The following EP400 variants were observed in gnomAD, a reference collection of about 807,000 sequenced individuals.
The protein encoded by EP400 is E1A-binding protein p400.
EP400 carries 105 observed loss-of-function variants against 354.1 expected under a neutral mutation model. That is an observed-to-expected ratio of 0.30 (90% CI 0.25 to 0.35). EP400 has a LOEUF of 0.35. EP400 is among the 10% of genes least tolerant of loss of function. The probability of loss-of-function intolerance (pLI) is 1.00; values close to 1 mark genes in which losing one functional copy is unlikely to be tolerated. For missense variants in EP400, 3,280 were observed against 4,121.0 expected (o/e 0.80, Z 5.59); for synonymous variants, 1,646 against 1,716.9 (o/e 0.96, Z 1.02).
intron 45 of EP400, 72 bp from the exon 46 acceptor site, chr12:132,062,038 C>A: frequency 7.1e-7 from 1 of 1,404,164 alleles, no homozygotes; most frequent in Non-Finnish European, 9.9e-7. Flanking sequence ...TCTTGTCTTC[C>A]CTGCTCTGAG....
chr12:131,980,236 T>C (rs958507978), intron 3 of EP400, among the ~76,000 whole-genome samples: 1 of 152,250 alleles, frequency 6.6e-6, no homozygotes, highest in Admixed American at 6.5e-5. Flanking sequence ...CCACTGTTAA[T>C]GTTTCCCATA....
rs1233496490 is a variant in EP400 at position 131,988,187 on chromosome 12, C to T, written c.2409+297C>T. On this transcript the variant is annotated intron_variant, in intron 7 of 52. Coordinates refer to ENST00000389561, the MANE Select transcript of EP400 (RefSeq NM_015409.5). The stretch of plus-strand genomic sequence containing the variant: ...GTGCCTGGCAGACTCACTCTAGAGG[C>T]CTTAACCTGTGAAGTCTGGGAAGGA... Among the ~76,000 whole-genome samples, 4 of 151,852 alleles carry T rather than the reference C, an allele frequency of 2.6e-5. No homozygotes were observed. In the East Asian group the frequency reaches 7.7e-4, roughly 29 times the overall value.
Position 132,055,431 on chromosome 12 carries a change from A to ATG in EP400, c.7884+238_7884+239dup, listed in dbSNP as rs137860664. On this transcript the variant is annotated intron_variant, in intron 45 of 52. Coordinates refer to ENST00000389561, the MANE Select transcript of EP400 (RefSeq NM_015409.5). Reference sequence around the variant, plus strand: ...ATGAGGGATGAAAATGAGGTGGGGTATGTGTGTGTGTGTGTGGTGTAGGGG... The same window carrying ATG: ...ATGAGGGATGAAAATGAGGTGGGGTATGTGTGTGTGTGTGTGTGGTGTAGGGG... Among the ~76,000 whole-genome samples the ATG allele has an allele frequency of 2.8e-3, 401 of 144,536 alleles. 5 individuals are homozygous for ATG. The highest frequency in any genetic ancestry group is 5.2e-3 in the Admixed American group (76 of 14,674). The allele number at this position is 144,536 out of a possible 152,430, so 94.8% of individuals were successfully genotyped here.
intron 52 of EP400, 93 bp downstream of exon 52, chr12:132,076,686 A>AT: frequency 1.7e-6 from 2 of 1,151,672 alleles, no homozygotes; most frequent in Non-Finnish European, 2.5e-6. Flanking sequence ...ATCACTTTTG[A>AT]TTTTTGTGAT....
Position 132,064,906 on chromosome 12 carries a change from T to G in EP400, c.8553+20T>G. On this transcript the variant is annotated intron_variant, in intron 48 of 52. Transcript: ENST00000389561. ...CGGCTCGTAAGTGTCAGTTTCTGTT[T>G]GTTTTCCAAAAGCAGCATCTTTTTA... is the stretch of plus-strand genomic sequence containing the variant. The G allele has an allele frequency of 3.2e-6, 5 of 1,583,904 alleles. No individual in the cohort carries two copies. Among genetic ancestry groups the G allele is most frequent in the Non-Finnish European group, 4.3e-6 (5 of 1,165,744 alleles).
In EP400 at chr12:131,982,332, A is replaced by C; in HGVS notation, c.1783A>C (p.Lys595Gln). Residue 595 changes from lysine (K) to glutamine (Q), a missense_variant, in exon 5 of 53, where the codon AAG becomes CAG. Transcript: ENST00000389561. ...CCAGACACAGCTCCAAATCCCGGTG[A>C]AGACTCAGCAGCCCAATGTTCCCAT... Reference protein sequence around the residue: ...EAQTQLQIPVKTQQPNVPIPA... With the variant: ...EAQTQLQIPVQTQQPNVPIPA... 1 of 1,614,128 alleles carries C rather than the reference A, an allele frequency of 6.2e-7. No individual in the cohort carries two copies. Among genetic ancestry groups the C allele is most frequent in the African/African-American group, 1.3e-5 (1 of 75,022 alleles).
intron 2 of EP400, among the ~76,000 whole-genome samples, chr12:131,965,589 C>G (rs1892047299): frequency 6.6e-6 from 1 of 152,206 alleles, no homozygotes; most frequent in Admixed American, 6.5e-5. Context: ...CCACCACAGT[C>G]AAGCAACAGA....
intron 21 of EP400, 118 bp from the exon 22 acceptor site, chr12:132,019,931 G>A (rs754755950): frequency 9.0e-7 from 1 of 1,105,448 alleles, no homozygotes; most frequent in Non-Finnish European, 1.2e-6. Context: ...TGCACTCTGG[G>A]TGCTGGTCCC....
At chr12:132,011,028 T>TTTC (rs1893746993) in intron 15 of EP400, among the ~76,000 whole-genome samples, 1 of 152,202 alleles carries the variant, frequency 6.6e-6, no homozygotes, top group African/African-American at 2.4e-5. Flanking sequence ...GACTAAAGCT[T>TTTC]GGGAAGCAGC....
rs35513772 is a variant in EP400 at position 132,009,830 on chromosome 12, ATTTTTTT to A, written c.3305-1649_3305-1643del. Among the ~76,000 whole-genome samples the A allele has an allele frequency of 4.0e-4, 32 of 79,724 alleles. 1 individual carries two copies. Among genetic ancestry groups the A allele is most frequent in the East Asian group, 3.7e-3 (11 of 2,970 alleles). The allele number at this position is 79,724 out of a possible 152,430, so 52.3% of individuals were successfully genotyped here. A position where few individuals can be genotyped will look rare whatever the true frequency, so the allele number is the denominator to read the frequency against. On this transcript the variant is annotated intron_variant, in intron 15 of 52. Coordinates refer to ENST00000389561, the MANE Select transcript of EP400 (RefSeq NM_015409.5). ...AGGTGTATGCCACCACGCCTGGCTAATTTTTTTTTTTTTTTTTTTTTTTTTGGAGAGA... is the reference window on the plus strand; with the variant it reads ...AGGTGTATGCCACCACGCCTGGCTAATTTTTTTTTTTTTTTTTTGGAGAGA...
chr12:132,064,251 A>C (rs1293843230), intron 47 of EP400, among the ~76,000 whole-genome samples: 2 of 152,096 alleles, frequency 1.3e-5, no homozygotes, highest in East Asian at 1.9e-4. Context: ...CCTCTCCCAA[A>C]TCCATTTCAA....
intron 12 of EP400, among the ~76,000 whole-genome samples, chr12:131,998,443 A>G (rs1379826866): frequency 2.6e-5 from 4 of 152,184 alleles, no homozygotes; most frequent in African/African-American, 4.8e-5. Flanking sequence ...AGGTCTTCCT[A>G]AATAGCTTTC....
At chr12:132,012,909 G>T in intron 16 of EP400, 100 bp from the exon 17 acceptor site, 1 of 1,243,702 alleles carries the variant, frequency 8.0e-7, no homozygotes, top group East Asian at 2.6e-5. Context: ...AGGTGGGAAC[G>T]GAGTCACTGG....
chr12:132,074,467 C>T (rs1896168362), intron 51 of EP400, among the ~76,000 whole-genome samples: 1 of 151,980 alleles, frequency 6.6e-6, no homozygotes, highest in South Asian at 2.1e-4. Flanking sequence ...ACCTCTCTCC[C>T]CCACTGTCTG....
At chr12:132,022,326 AAGG>A (rs1157376390) in intron 23 of EP400, among the ~76,000 whole-genome samples, 32 of 152,348 alleles carry the variant, frequency 2.1e-4, no homozygotes, top group African/African-American at 7.2e-4. Context: ...TGTATGGAAC[AAGG>A]AGGATTGTTG....
chr12:132,069,981 T>A (rs76774881), intron 51 of EP400, among the ~76,000 whole-genome samples: 5,451 of 152,258 alleles, frequency 0.036, 334 homozygotes, highest in African/African-American at 0.12. Flanking sequence ...TTTTGATATT[T>A]TTTGATATTT....
chr12:132,037,809 T>C lies in EP400; in HGVS notation c.6063+16T>C. ...CTTAACTCAGGTACTCCTTATTCAA[T>C]GAGAGGCCTGAGGTGAGACCCGCCA... On this transcript the variant is annotated intron_variant, in intron 31 of 52. Transcript: ENST00000389561. The C allele has an allele frequency of 6.2e-7, 1 of 1,612,626 alleles. No individual in the cohort carries two copies. The highest frequency in any genetic ancestry group is 8.5e-7 in the Non-Finnish European group (1 of 1,178,590).
At chr12:132,039,043 C>A (rs1478814106) in intron 32 of EP400, among the ~76,000 whole-genome samples, 57 of 152,250 alleles carry the variant, frequency 3.7e-4, no homozygotes, top group Non-Finnish European at 5.3e-4. Flanking sequence ...CACTACACAG[C>A]CCCTCAGCAC....
Position 132,062,646 on chromosome 12 carries a change from T to A in EP400, c.8279T>A (p.Ile2760Asn), listed in dbSNP as rs1353296923. 3.7e-6 allele frequency: 6 copies of A among 1,613,580 alleles called. No individual in the cohort carries two copies. Among genetic ancestry groups the A allele is most frequent in the Non-Finnish European group, 5.1e-6 (6 of 1,179,886 alleles). The stretch of plus-strand genomic sequence containing the variant: ...ACCTCTCAGGTGCAAGTTCCACAGA[T>A]CCAGGGCCAGGCCCAGTCCCCAGCA... ...TTTSQVQVPQ[I>N]QGQAQSPAQI... Residue 2760 changes from isoleucine to asparagine, a missense_variant, in exon 47 of 53, where the codon ATC (isoleucine) becomes AAC (asparagine). By Grantham distance (149) the Ile-to-Asn change is moderately radical. Around this residue, in one of 20 missense-constraint regions of EP400, gnomAD observed 47 missense variants for 55.6 expected, o/e 0.85. Coordinates refer to ENST00000389561, the MANE Select transcript of EP400 (RefSeq NM_015409.5).
Sources: allele counts gnomAD v4.1 joint callset (sites outside exome capture counted in the v4.1 genomes callset), GRCh38; gene constraint gnomAD v4.1.1; regional missense constraint gnomAD v4.1.1; transcripts MANE v1.5; gene names NCBI Gene and HGNC (gene_info 2026-07-23, HGNC 2026-07-21).